Variants in CHD6 observed in about 807,000 individuals in gnomAD.
CHD6 encodes chromodomain helicase DNA binding protein 6.
Under a neutral mutation model 276.9 loss-of-function variants are expected in CHD6, and 50 were observed. That is an observed-to-expected ratio of 0.18 (90% confidence interval 0.14 to 0.23). CHD6 has a LOEUF of 0.23. CHD6 is among the 10% of genes least tolerant of loss of function. CHD6 has a pLI of 1.00. For missense variants in CHD6, 2,564 were observed against 3,365.8 expected, an observed-to-expected ratio of 0.76 and a Z score of 5.89; for synonymous variants, 1,173 against 1,229.3, an observed-to-expected ratio of 0.95 and a Z score of 0.96.
At chr20:41,479,096 G>A (rs1404678246) in intron 16 of CHD6, among the ~76,000 whole-genome samples, 1 of 152,102 alleles carries the variant, frequency 6.6e-6, no homozygotes, top group African/African-American at 2.4e-5. Flanking sequence ...TAATAAGCAT[G>A]ATGGAGATGA....
At chr20:41,476,045 G>A (rs1168822741) in intron 16 of CHD6, among the ~76,000 whole-genome samples, 1 of 152,092 alleles carries the variant, frequency 6.6e-6, no homozygotes, top group Non-Finnish European at 1.5e-5. Context: ...TCACTTTTGA[G>A]CCAGATCCTC....
chr20:41,410,742 T>A (rs2046816915), intron 36 of CHD6, among the ~76,000 whole-genome samples: 1 of 151,994 alleles, frequency 6.6e-6, no homozygotes, highest in South Asian at 2.1e-4. Flanking sequence ...TAGGGAGGGA[T>A]GAACACTAAT....
intron 4 of CHD6, among the ~76,000 whole-genome samples, chr20:41,513,254 C>T (rs748103142): frequency 1.4e-4 from 21 of 152,090 alleles, no homozygotes; most frequent in Non-Finnish European, 2.4e-4. Context: ...TCTCATAGTC[C>T]AGTAAGATGT....
At chr20:41,453,032 T>C in intron 20 of CHD6, 90 bp from the exon 21 acceptor site, 1 of 1,031,618 alleles carries the variant, frequency 9.7e-7, no homozygotes, top group Non-Finnish European at 1.5e-6. Context: ...ACATTTGGGA[T>C]AGAACCATGC....
Position 41,423,574 on chromosome 20 carries a change from C to A in CHD6, c.4473G>T (p.Ser1491=). 6.2e-7 allele frequency: 1 copy of A among 1,614,214 alleles called. No individual in the cohort carries two copies. The highest frequency in any genetic ancestry group is 8.5e-7 in the Non-Finnish European group (1 of 1,180,030). ...FRIISRLDKK[S]DESLEQYFYS... is the part of the protein sequence containing the mutation. ...AAAAATACTGTTCCAGGCTCTCATC[C>A]GACTTCTTGTCCAAACGGGAAATGA... is the stretch of plus-strand genomic sequence containing the variant. The change falls in exon 30 of 37, where the codon TCG becomes TCT. Residue 1491 remains serine (S), a synonymous_variant. Coordinates refer to ENST00000373233, the MANE Select transcript of CHD6 (RefSeq NM_032221.5).
At chr20:41,419,132 C>T (rs566456561) in intron 31 of CHD6, among the ~76,000 whole-genome samples, 31 of 152,146 alleles carry the variant, frequency 2.0e-4, no homozygotes, top group Non-Finnish European at 4.3e-4. Flanking sequence ...CTGGCTCCTT[C>T]TGGGTTGGCT....
intron 16 of CHD6, among the ~76,000 whole-genome samples, chr20:41,477,264 A>G (rs1005427875): frequency 1.3e-5 from 2 of 151,994 alleles, no homozygotes; most frequent in Non-Finnish European, 2.9e-5. Context: ...ATAAATAAAT[A>G]AATAATTCTG....
intron 11 of CHD6, 87 bp downstream of exon 11, chr20:41,491,611 A>G: frequency 6.7e-7 from 1 of 1,487,228 alleles, no homozygotes; most frequent in Admixed American, 1.7e-5. Context: ...CCCTCTCACC[A>G]GTCTGCTACT....
chr20:41,564,142 G>A (rs763214871), intron 1 of CHD6: 1 of 759,042 alleles, frequency 1.3e-6, no homozygotes, highest in Admixed American at 1.8e-5. Flanking sequence ...ATATGAGACT[G>A]ACACATGGGC....
chr20:41,498,835 G>A (rs899816912), intron 6 of CHD6, among the ~76,000 whole-genome samples: 19 of 128,150 alleles, frequency 1.5e-4, no homozygotes, highest in Admixed American at 4.8e-4. Context: ...GTGTGTGTGT[G>A]TGTGTGTGTG....
chr20:41,488,771 T>G (rs1472465945), intron 12 of CHD6, among the ~76,000 whole-genome samples, 167 bp from the exon 13 acceptor site: 2 of 152,230 alleles, frequency 1.3e-5, no homozygotes, highest in Non-Finnish European at 2.9e-5. Flanking sequence ...AACGAGCTAG[T>G]TAGCCAGAAG....
At chr20:41,432,160 C>CAAAAAA (rs572447937) in intron 27 of CHD6, among the ~76,000 whole-genome samples, 131 of 58,968 alleles carry the variant, frequency 2.2e-3, no homozygotes, top group African/African-American at 5.0e-3. Context: ...AACTCCGTCT[C>CAAAAAA]AAAAAAAAAA....
intron 25 of CHD6, among the ~76,000 whole-genome samples, chr20:41,444,310 T>G (rs895533211): frequency 6.6e-6 from 1 of 152,232 alleles, no homozygotes. Context: ...GCTATTTAAA[T>G]TTAAATTAAT....
intron 2 of CHD6, among the ~76,000 whole-genome samples, chr20:41,534,362 G>T (rs1474421283): frequency 6.6e-6 from 1 of 152,192 alleles, no homozygotes; most frequent in African/African-American, 2.4e-5. Flanking sequence ...GTGCTAAAGG[G>T]CACAGACAGT....
rs2046965126 is a variant in CHD6, at chr20:41,415,439, G to C, written c.6686C>G (p.Ala2229Gly). 2 of 1,612,422 alleles carry C rather than the reference G, an allele frequency of 1.2e-6. No individual in the cohort carries two copies. The highest frequency in any genetic ancestry group is 1.7e-6 in the Non-Finnish European group (2 of 1,179,158). ...LSCSSEGSPG[A>G]TSPFPVSAST... The stretch of plus-strand genomic sequence containing the variant: ...GGCGCTCACTGGGAAAGGGGATGTG[G>C]CTCCTGGGGACCCCTCTGATGAGCA... Residue 2229 changes from alanine to glycine, a missense_variant, in exon 34 of 37, where the codon GCC becomes GGC. Around this residue, in one of 7 missense-constraint regions of CHD6, gnomAD observed 1,024 missense variants for 1,047.9 expected, o/e 0.98. Coordinates refer to ENST00000373233, the MANE Select transcript of CHD6 (RefSeq NM_032221.5).
chr20:41,439,891 G>A, intron 26 of CHD6, 109 bp downstream of exon 26: 1 of 1,134,476 alleles, frequency 8.8e-7, no homozygotes, highest in Non-Finnish European at 1.3e-6. Context: ...AAGGTGTAGG[G>A]AGATGCCAGA....
chr20:41,540,410 T>C (rs1471151793), intron 2 of CHD6, among the ~76,000 whole-genome samples: 1 of 152,214 alleles, frequency 6.6e-6, no homozygotes, highest in Non-Finnish European at 1.5e-5. Flanking sequence ...ATGTATTACT[T>C]TCATGGTATT....
At chr20:41,448,930 T>C (rs1348165752) in intron 23 of CHD6, among the ~76,000 whole-genome samples, 1 of 152,014 alleles carries the variant, frequency 6.6e-6, no homozygotes, top group Admixed American at 6.5e-5. Context: ...AGATGGAGTT[T>C]TGCTCTTGTC....
chr20:41,484,731 A>G, intron 14 of CHD6, 124 bp from the exon 15 acceptor site: 1 of 992,334 alleles, frequency 1.0e-6, no homozygotes, highest in Admixed American at 2.2e-5. Context: ...AGACTAAAAG[A>G]AAGATTATGA....
Sources: allele counts gnomAD v4.1 joint callset (sites outside exome capture counted in the v4.1 genomes callset), GRCh38; gene constraint gnomAD v4.1.1; regional missense constraint gnomAD v4.1.1; transcripts MANE v1.5; gene names NCBI Gene and HGNC (gene_info 2026-07-23, HGNC 2026-07-21).